The following TTC6 variants were observed in gnomAD, a reference collection of about 807,000 sequenced individuals.
TTC6 encodes tetratricopeptide repeat domain 6.
A neutral mutation model predicts 210.4 loss-of-function variants in TTC6; 172 were observed. The ratio of observed to expected loss-of-function variants is 0.82; its 90% CI spans 0.72 to 0.93. The LOEUF (loss-of-function observed/expected upper bound fraction) is 0.93. TTC6 is among the 40% of genes least tolerant of loss of function. The pLI is 0.00. For missense variants in TTC6, 2,414 were observed against 2,318.1 expected (o/e 1.04, Z -0.85); for synonymous variants, 804 against 819.6 (o/e 0.98, Z 0.32).
intron 14 of TTC6, among the ~76,000 whole-genome samples, chr14:37,769,944 C>G (rs1320626723): frequency 6.6e-6 from 1 of 151,962 alleles, no homozygotes; most frequent in East Asian, 1.9e-4. Flanking sequence ...GCATTTAGTG[C>G]TATAAATTTC....
intron 7 of TTC6, among the ~76,000 whole-genome samples, chr14:37,734,221 A>G (rs2138905913): frequency 6.6e-6 from 1 of 152,286 alleles, no homozygotes; most frequent in Non-Finnish European, 1.5e-5. Context: ...AACCCAGACT[A>G]AAAGTCTGCA....
chr14:37,779,582 A>G (rs936259666), intron 14 of TTC6, among the ~76,000 whole-genome samples: 1 of 152,196 alleles, frequency 6.6e-6, no homozygotes, highest in Non-Finnish European at 1.5e-5. Flanking sequence ...TCTTAGAAAC[A>G]TGTCCTTTAT....
chr14:37,718,788 C>T (rs1187223355), intron 6 of TTC6, among the ~76,000 whole-genome samples: 1 of 151,940 alleles, frequency 6.6e-6, no homozygotes, highest in Admixed American at 6.6e-5. Context: ...ATTAGCTGGG[C>T]ATGGTGGTGT....
chr14:37,674,088 T>C (rs2138501334), intron 1 of TTC6, among the ~76,000 whole-genome samples: 1 of 152,260 alleles, frequency 6.6e-6, no homozygotes, highest in South Asian at 2.1e-4. Flanking sequence ...AATCCAAATT[T>C]TCTGATTCAA....
intron 2 of TTC6, among the ~76,000 whole-genome samples, chr14:37,616,739 C>CAAAAAAAAAAAA (rs11416796): frequency 1.0e-5 from 1 of 98,268 alleles, no homozygotes; most frequent in African/African-American, 3.9e-5. Context: ...TACTCCATCT[C>CAAAAAAAAAAAA]AAAAAAAAAA....
At chr14:37,668,277 A>G (rs2095752079) in intron 1 of TTC6, among the ~76,000 whole-genome samples, 1 of 150,562 alleles carries the variant, frequency 6.6e-6, no homozygotes, top group African/African-American at 2.4e-5. Context: ...CACCAGTTGT[A>G]TCAGTCAGTT....
intron 20 of TTC6, among the ~76,000 whole-genome samples, chr14:37,801,673 G>T (rs2096106960): frequency 6.6e-6 from 1 of 152,138 alleles, no homozygotes; most frequent in East Asian, 1.9e-4. Flanking sequence ...GGACCTGAGT[G>T]CAGCCAACAG....
chr14:37,640,105 GATAC>G (rs1490185972), intron 1 of TTC6, among the ~76,000 whole-genome samples: 1 of 151,822 alleles, frequency 6.6e-6, no homozygotes, highest in Non-Finnish European at 1.5e-5. Flanking sequence ...TTCTTTGTTG[GATAC>G]AGGTGCAGCT....
intron 14 of TTC6, among the ~76,000 whole-genome samples, chr14:37,756,322 T>C (rs1226791782): frequency 1.3e-5 from 2 of 152,214 alleles, no homozygotes; most frequent in African/African-American, 4.8e-5. Flanking sequence ...CTTCTCTTCC[T>C]ATATGAATAT....
intron 20 of TTC6, among the ~76,000 whole-genome samples, chr14:37,799,754 A>G (rs950277793): frequency 4.7e-4 from 72 of 152,102 alleles, no homozygotes; most frequent in Admixed American, 2.0e-3. Context: ...GCCCTCAGTC[A>G]TGCAGCCATA....
intron 14 of TTC6, among the ~76,000 whole-genome samples, chr14:37,769,550 C>T (rs1428891915): frequency 6.6e-6 from 1 of 152,046 alleles, no homozygotes; most frequent in African/African-American, 2.4e-5. Flanking sequence ...TGTGTCGAGG[C>T]ATTTATCCAT....
chr14:37,645,282 G>A (rs1032197274), intron 1 of TTC6, among the ~76,000 whole-genome samples: 12 of 152,178 alleles, frequency 7.9e-5, no homozygotes, highest in African/African-American at 2.7e-4. Context: ...AATTAGAAAC[G>A]GAGGACCTGG....
intron 14 of TTC6, among the ~76,000 whole-genome samples, chr14:37,768,766 C>T (rs151061397): frequency 0.033 from 5,058 of 152,206 alleles, 136 homozygotes; most frequent in Non-Finnish European, 0.051. Context: ...ATTTGACTTC[C>T]TCTTTTCCTA....
At chr14:37,627,518 T>C in intron 1 of TTC6, among the ~76,000 whole-genome samples, 1 of 151,886 alleles carries the variant, frequency 6.6e-6, no homozygotes, top group East Asian at 1.9e-4. Context: ...GTGTTCTCAT[T>C]GTTCAACTCC....
At chr14:37,734,679 A>G (rs1216613062) in intron 7 of TTC6, among the ~76,000 whole-genome samples, 3 of 152,136 alleles carry the variant, frequency 2.0e-5, no homozygotes, top group Non-Finnish European at 2.9e-5. Flanking sequence ...ACCAATTTCA[A>G]CAATATCTTT....
At chr14:37,736,117 G>A (rs1365098341) in intron 8 of TTC6, 107 bp downstream of exon 10, 2 of 644,384 alleles carry the variant, frequency 3.1e-6, no homozygotes, top group African/African-American at 1.9e-5. Context: ...CAGGCATGGT[G>A]GCTCATGTCT....
chr14:37,661,012 T>G (rs570716439), intron 1 of TTC6, among the ~76,000 whole-genome samples: 6 of 152,292 alleles, frequency 3.9e-5, no homozygotes, highest in African/African-American at 1.2e-4. Context: ...CATGTCCTTT[T>G]CCCACTTTTT....
intron 25 of TTC6, among the ~76,000 whole-genome samples, chr14:37,816,800 T>G (rs2139459111): frequency 6.6e-6 from 1 of 152,356 alleles, no homozygotes; most frequent in South Asian, 2.1e-4. Context: ...GTTCTTATTT[T>G]ACTTTAGGCC....
At chr14:37,596,433 C>G (rs2095604765) in intron 1 of TTC6, among the ~76,000 whole-genome samples, 1 of 152,250 alleles carries the variant, frequency 6.6e-6, no homozygotes, top group African/African-American at 2.4e-5. Context: ...CAGGGGCTCG[C>G]TTGGTTCCTA....
Sources: allele counts gnomAD v4.1 joint callset (sites outside exome capture counted in the v4.1 genomes callset), GRCh38; gene constraint gnomAD v4.1.1; transcripts MANE v1.5; gene names NCBI Gene and HGNC (gene_info 2026-07-23, HGNC 2026-07-21).